AUH: variants seen among roughly 807,000 people sequenced by gnomAD.
The protein encoded by AUH is AU RNA binding methylglutaconyl-CoA hydratase, also known as methylglutaconyl-CoA hydratase, mitochondrial.
AUH carries 29 observed loss-of-function variants against 42.3 expected under a neutral mutation model. That is an observed-to-expected ratio of 0.69 (90% CI 0.51 to 0.93). The LOEUF is 0.93. AUH is among the 40% of genes least tolerant of loss of function. The pLI, the probability that AUH is intolerant of heterozygous loss-of-function variation, is 0.00. For synonymous variants in AUH, 174 were observed against 166.4 expected, an observed-to-expected ratio of 1.05 and a Z score of -0.35; for missense variants, 452 against 438.1, an observed-to-expected ratio of 1.03 and a Z score of -0.28.
chr9:91,246,105 C>T lies in AUH; in HGVS notation c.656-25113G>A, dbSNP rs190479847. ...TTTACAAAGCTGAATCATGGCCTCC[C>T]GCCCTGCTGGGTGATTCCTGCCTCC... is the stretch of plus-strand genomic sequence containing the variant. On this transcript the variant is annotated intron_variant, in intron 6 of 9. Transcript: ENST00000375731. 1.4e-3 allele frequency among the ~76,000 whole-genome samples: 220 copies of T among 152,314 alleles called. 1 individual carries two copies. Among genetic ancestry groups the T allele is most frequent in the African/African-American group, 4.7e-3 (195 of 41,568 alleles).
chr9:91,293,719 CAGA>C (rs1354751128), intron 6 of AUH, among the ~76,000 whole-genome samples: 1 of 152,182 alleles, frequency 6.6e-6, no homozygotes, highest in Non-Finnish European at 1.5e-5. Context: ...GCAAATTATC[CAGA>C]AGATCTAGCT....
intron 6 of AUH, among the ~76,000 whole-genome samples, chr9:91,224,700 C>T (rs187816416): frequency 1.0e-3 from 155 of 152,284 alleles, no homozygotes; most frequent in Non-Finnish European, 7.4e-5. Context: ...TACATGATTT[C>T]ATTCACTCAT....
chr9:91,315,997 T>C (rs1332875165), intron 4 of AUH, among the ~76,000 whole-genome samples: 3 of 152,252 alleles, frequency 2.0e-5, no homozygotes, highest in Non-Finnish European at 4.4e-5. Context: ...TTTATCCATA[T>C]TGGTACATGT....
At chr9:91,353,798 G>A (rs1368892319) in intron 3 of AUH, among the ~76,000 whole-genome samples, 1 of 130,796 alleles carries the variant, frequency 7.6e-6, no homozygotes, top group Non-Finnish European at 1.6e-5. Context: ...TCCAGCCTGG[G>A]TGACAGAGCA....
Position 91,216,055 on chromosome 9 carries a change from A to C in AUH, c.942+4T>G. 1 of 1,609,042 alleles carries C rather than the reference A, an allele frequency of 6.2e-7. No individual in the cohort carries two copies. Among genetic ancestry groups the C allele is most frequent in the Non-Finnish European group, 8.5e-7 (1 of 1,175,618 alleles). On this transcript the variant is annotated splice_donor_region_variant and intron_variant, in intron 9 of 9. Coordinates refer to ENST00000375731, the MANE Select transcript of AUH (RefSeq NM_001698.3). Reference sequence around the variant, plus strand: ...CTCATTGAATTTGTGATTGCATTACATACCTGAGCATAACAAGCTTCTTCT... The same window carrying C: ...CTCATTGAATTTGTGATTGCATTACCTACCTGAGCATAACAAGCTTCTTCT...
intron 6 of AUH, among the ~76,000 whole-genome samples, chr9:91,269,067 A>G (rs7028794): frequency 0.22 from 32,752 of 151,162 alleles, 3,739 homozygotes; most frequent in East Asian, 0.34. Context: ...TGCAACCTTC[A>G]CCTCCTGGGT....
At chr9:91,270,491 A>G (rs932429371) in intron 6 of AUH, among the ~76,000 whole-genome samples, 35 of 152,222 alleles carry the variant, frequency 2.3e-4, no homozygotes, top group African/African-American at 7.2e-4. Context: ...TCTACTGTAG[A>G]TTCTCAATAA....
chr9:91,224,785 T>C (rs1396102961), intron 6 of AUH, among the ~76,000 whole-genome samples: 1 of 152,196 alleles, frequency 6.6e-6, no homozygotes, highest in Admixed American at 6.5e-5. Context: ...CTAAGACTGA[T>C]GGCCTGAATT....
At chr9:91,328,818 G>C (rs1830131948) in intron 3 of AUH, among the ~76,000 whole-genome samples, 1 of 152,114 alleles carries the variant, frequency 6.6e-6, no homozygotes, top group Non-Finnish European at 1.5e-5. Flanking sequence ...TTTAAGTATA[G>C]AATTCAAGGA....
At chr9:91,252,200 C>T (rs1209511133) in intron 6 of AUH, among the ~76,000 whole-genome samples, 6 of 151,940 alleles carry the variant, frequency 3.9e-5, no homozygotes, top group African/African-American at 1.2e-4. Context: ...CTCCTGACCT[C>T]GTGATCTGCC....
intron 6 of AUH, among the ~76,000 whole-genome samples, chr9:91,270,137 G>A (rs939651747): frequency 1.3e-5 from 2 of 152,176 alleles, no homozygotes; most frequent in Non-Finnish European, 2.9e-5. Flanking sequence ...ATTGACTCTG[G>A]TTAGCATAAG....
In AUH at chr9:91,214,428, A is replaced by G; in HGVS notation, c.943-3T>C. ...AGTCTGTCTTTTGTTGGAATGGTCT[A>G]AGAAAAACAAAATATTAAATATGTC... On this transcript the variant is annotated splice_region_variant and splice_polypyrimidine_tract_variant and intron_variant, in intron 9 of 9. Transcript: ENST00000375731. 1 of 1,598,192 alleles carries G rather than the reference A, an allele frequency of 6.3e-7. No individual in the cohort carries two copies. Among genetic ancestry groups the G allele is most frequent in the Non-Finnish European group, 8.5e-7 (1 of 1,170,242 alleles).
intron 6 of AUH, among the ~76,000 whole-genome samples, chr9:91,252,242 G>C (rs954662887): frequency 6.6e-6 from 1 of 151,948 alleles, no homozygotes; most frequent in Non-Finnish European, 1.5e-5. Flanking sequence ...TGGGAATACG[G>C]ACTTGAGCCA....
chr9:91,328,560 C>T (rs7021269), intron 3 of AUH, among the ~76,000 whole-genome samples: 12,988 of 152,160 alleles, frequency 0.085, 630 homozygotes, highest in East Asian at 0.17. Flanking sequence ...TCTGTAATCT[C>T]CTGGAAGTGG....
intron 6 of AUH, among the ~76,000 whole-genome samples, chr9:91,286,989 T>C (rs544846401): frequency 1.3e-5 from 2 of 152,088 alleles, no homozygotes; most frequent in African/African-American, 2.4e-5. Context: ...TACATGCTAA[T>C]TAGCTTAATT....
At position 91,295,454 on chromosome 9, in the gene AUH, G is replaced by A. The variant is rs556721901; in HGVS notation, c.655+567C>T. Among the ~76,000 whole-genome samples the A allele has an allele frequency of 4.5e-4, 69 of 152,290 alleles. 1 individual carries two copies. Among genetic ancestry groups the A allele is most frequent in the South Asian group, 2.5e-3 (12 of 4,828 alleles). ...TTGATTCCAATTTTGAAAGAATTAT[G>A]AGTAAAATGCTATCAAACAGCAGCG... On this transcript the variant is annotated intron_variant, in intron 6 of 9. Coordinates refer to ENST00000375731, the MANE Select transcript of AUH (RefSeq NM_001698.3).
intron 3 of AUH, among the ~76,000 whole-genome samples, chr9:91,331,377 T>C (rs922724635): frequency 1.3e-5 from 2 of 152,224 alleles, no homozygotes; most frequent in Non-Finnish European, 2.9e-5. Flanking sequence ...GGAGAGATTA[T>C]TCTAAGAGAA....
At chr9:91,322,276 G>C (rs1197646771) in intron 4 of AUH, among the ~76,000 whole-genome samples, 1 of 152,074 alleles carries the variant, frequency 6.6e-6, no homozygotes, top group Non-Finnish European at 1.5e-5. Context: ...CAAACATCAA[G>C]GTAATTTGAA....
intron 6 of AUH, among the ~76,000 whole-genome samples, chr9:91,255,918 C>G (rs559889671): frequency 2.0e-5 from 3 of 152,166 alleles, no homozygotes; most frequent in East Asian, 1.9e-4. Flanking sequence ...AATTGAGGCT[C>G]TATAAGTTAC....
Sources: allele counts gnomAD v4.1 joint callset (sites outside exome capture counted in the v4.1 genomes callset), GRCh38; gene constraint gnomAD v4.1.1; transcripts MANE v1.5; gene names NCBI Gene and HGNC (gene_info 2026-07-23, HGNC 2026-07-21).